Variants in EGFLAM observed in about 807,000 individuals in gnomAD.
EGFLAM encodes the protein pikachurin.
A neutral mutation model predicts 113.1 loss-of-function variants in EGFLAM; 79 were observed. That is an observed-to-expected ratio of 0.70 (90% confidence interval 0.58 to 0.84). The LOEUF (loss-of-function observed/expected upper bound fraction) is 0.84. Ranked by LOEUF, EGFLAM falls within the 40% of genes least tolerant of loss-of-function variation. The probability of loss-of-function intolerance (pLI) is 0.00; values close to 1 mark genes in which losing one functional copy is unlikely to be tolerated. For synonymous variants in EGFLAM, 504 were observed against 487.6 expected (o/e 1.03, Z -0.44); for missense variants, 1,265 against 1,291.6 (o/e 0.98, Z 0.32).
rs549769906 is a variant in EGFLAM, at chr5:38,344,517, T to C, written c.291+5736T>C. Among the ~76,000 whole-genome samples the C allele has an allele frequency of 2.8e-4, 43 of 152,216 alleles. No individual in the cohort carries two copies. The South Asian group carries it at 4.2e-3, about 15-fold the overall frequency. ...AAAAAAAAAGAAGAGTCTCATCTTT[T>C]CTTGGGCTCTTCTTACATGGTAACC... is the stretch of plus-strand genomic sequence containing the variant. On this transcript the variant is annotated intron_variant, in intron 3 of 21. Coordinates refer to ENST00000322350, the MANE Select transcript of EGFLAM (RefSeq NM_152403.4).
intron 1 of EGFLAM, among the ~76,000 whole-genome samples, chr5:38,320,445 A>G (rs1738709879): frequency 6.6e-6 from 1 of 152,228 alleles, no homozygotes; most frequent in Non-Finnish European, 1.5e-5. Flanking sequence ...CCCTGCTAGC[A>G]TTAAAGCTTC....
intron 7 of EGFLAM, 50 bp downstream of exon 7, chr5:38,406,291 C>T (rs772624686): frequency 1.1e-5 from 17 of 1,531,802 alleles, no homozygotes; most frequent in East Asian, 2.3e-5. Context: ...GTTTTCTTGC[C>T]GAACAAGACA....
intron 5 of EGFLAM, 59 bp from the exon 6 acceptor site, chr5:38,370,237 C>G (rs1561052242): frequency 3.2e-6 from 5 of 1,557,494 alleles, no homozygotes; most frequent in Non-Finnish European, 4.4e-6. Context: ...AGCCAGCTAG[C>G]TTCCCTTCCC....
At chr5:38,374,835 G>C (rs1740320835) in intron 6 of EGFLAM, among the ~76,000 whole-genome samples, 1 of 152,198 alleles carries the variant, frequency 6.6e-6, no homozygotes, top group South Asian at 2.1e-4. Flanking sequence ...CAGCTTAAAG[G>C]TTAAAAGCAA....
chr5:38,404,852 T>C (rs1159273272), intron 6 of EGFLAM, among the ~76,000 whole-genome samples: 1 of 152,214 alleles, frequency 6.6e-6, no homozygotes, highest in African/African-American at 2.4e-5. Flanking sequence ...GGAGCCGCTC[T>C]TTAAAAGGCT....
chr5:38,315,515 TTCA>T (rs1738569953), intron 1 of EGFLAM, among the ~76,000 whole-genome samples: 1 of 152,208 alleles, frequency 6.6e-6, no homozygotes, highest in African/African-American at 2.4e-5. Context: ...ACTTTCTCAA[TTCA>T]TCATAAGATC....
At chr5:38,370,920 G>A (rs1740197267) in intron 6 of EGFLAM, among the ~76,000 whole-genome samples, 1 of 152,200 alleles carries the variant, frequency 6.6e-6, no homozygotes, top group Non-Finnish European at 1.5e-5. Flanking sequence ...TATCAAAGAA[G>A]TTGAGCGCTG....
chr5:38,408,038 T>A, intron 9 of EGFLAM, 133 bp downstream of exon 9: 1 of 637,532 alleles, frequency 1.6e-6, no homozygotes, highest in African/African-American at 1.8e-5. Context: ...ACAGAGCCTG[T>A]CTCTAAACCA....
At chr5:38,333,195 C>T (rs923301677) in intron 1 of EGFLAM, among the ~76,000 whole-genome samples, 3 of 152,174 alleles carry the variant, frequency 2.0e-5, no homozygotes, top group African/African-American at 7.2e-5. Context: ...TTTATCCAGT[C>T]TGTCATTGAT....
intron 6 of EGFLAM, among the ~76,000 whole-genome samples, chr5:38,386,612 T>G (rs1343512427): frequency 1.3e-5 from 2 of 152,136 alleles, no homozygotes; most frequent in Non-Finnish European, 1.5e-5. Context: ...GCTCAAGTGA[T>G]TGTCCTGCCT....
chr5:38,396,090 C>T (rs1227780101), intron 6 of EGFLAM, among the ~76,000 whole-genome samples: 1 of 137,586 alleles, frequency 7.3e-6, no homozygotes, highest in Non-Finnish European at 1.6e-5. Context: ...TTCTTCAACC[C>T]ATCCCAACCT....
intron 17 of EGFLAM, among the ~76,000 whole-genome samples, chr5:38,440,807 C>T (rs1742508897): frequency 6.6e-6 from 1 of 152,160 alleles, no homozygotes; most frequent in South Asian, 2.1e-4. Context: ...TAACCAGCAC[C>T]AGGGCTCATC....
chr5:38,303,804 T>C (rs1758654799), intron 1 of EGFLAM, among the ~76,000 whole-genome samples: 1 of 151,822 alleles, frequency 6.6e-6, no homozygotes, highest in Non-Finnish European at 1.5e-5. Flanking sequence ...AAACGGAAGG[T>C]AGATGGAAAA....
intron 14 of EGFLAM, among the ~76,000 whole-genome samples, chr5:38,427,956 C>G (rs1052631878): frequency 1.3e-5 from 2 of 152,144 alleles, no homozygotes; most frequent in African/African-American, 4.8e-5. Context: ...GTCGATTGTT[C>G]CTTGGAGCCT....
chr5:38,295,975 T>G (rs1318364235), intron 1 of EGFLAM, among the ~76,000 whole-genome samples: 1 of 152,154 alleles, frequency 6.6e-6, no homozygotes, highest in Non-Finnish European at 1.5e-5. Context: ...TCAAAATAAT[T>G]GTGAAGCACT....
rs970873140 is a variant in EGFLAM, at chr5:38,463,997, C to A, written c.*11C>A. The A allele has an allele frequency of 1.2e-6, 2 of 1,614,142 alleles. No homozygotes were observed. The highest frequency in any genetic ancestry group is 1.7e-5 in the Admixed American group (1 of 60,020). On this transcript the variant is annotated 3_prime_UTR_variant, in exon 22 of 22. Coordinates refer to ENST00000322350, the MANE Select transcript of EGFLAM (RefSeq NM_152403.4). ...TGTGGAGCCAAGTAACACCAGCTGGCCTTGTCCAAGGGACAGAGCCTTCTA... is the reference window on the plus strand; with the variant it reads ...TGTGGAGCCAAGTAACACCAGCTGGACTTGTCCAAGGGACAGAGCCTTCTA...
intron 11 of EGFLAM, among the ~76,000 whole-genome samples, chr5:38,413,275 C>T (rs1049028821): frequency 2.7e-5 from 4 of 150,268 alleles, no homozygotes; most frequent in African/African-American, 9.8e-5. Context: ...GCGATTCTCC[C>T]ACCTTGGCCT....
chr5:38,364,673 G>T (rs1029005079), intron 5 of EGFLAM, among the ~76,000 whole-genome samples: 3 of 152,186 alleles, frequency 2.0e-5, no homozygotes, highest in Admixed American at 6.5e-5. Context: ...GGAACACGTA[G>T]ATGAAGAAGA....
intron 5 of EGFLAM, among the ~76,000 whole-genome samples, chr5:38,352,748 G>A (rs1659043186): frequency 6.6e-6 from 1 of 151,830 alleles, no homozygotes; most frequent in African/African-American, 2.4e-5. Context: ...ATATATTTAA[G>A]AGCGAACAGA....
Sources: allele counts gnomAD v4.1 joint callset (sites outside exome capture counted in the v4.1 genomes callset), GRCh38; gene constraint gnomAD v4.1.1; transcripts MANE v1.5; gene names NCBI Gene and HGNC (gene_info 2026-07-23, HGNC 2026-07-21).